The following SPANXN4 variants were observed in gnomAD, a reference collection of about 807,000 sequenced individuals.
SPANXN4 encodes SPANX family member N4.
A neutral mutation model predicts 6.0 loss-of-function variants in SPANXN4; 5 were observed. The observed-to-expected ratio is 0.83, with a 90% CI of 0.44 to 1.75. The LOEUF (loss-of-function observed/expected upper bound fraction) is 1.75, where lower values mean the gene tolerates loss of function less well. Ranked by LOEUF, SPANXN4 falls within the 40% of genes most tolerant of loss-of-function variation. The pLI, the probability that SPANXN4 is intolerant of heterozygous loss-of-function variation, is 0.02. For missense variants in SPANXN4, 157 were observed against 108.6 expected, an observed-to-expected ratio of 1.45 and a Z score of -1.98; for synonymous variants, 45 against 38.0, an observed-to-expected ratio of 1.19 and a Z score of -0.68.
At chrX:143,034,746 T>G, downstream of SPANXN4, 1 of 1,079,154 alleles carries the variant, frequency 9.3e-7, no homozygotes, top group Non-Finnish European at 1.2e-6. Context: ...TAAGACAGCA[T>G]GCCACACACA....
chrX:143,034,324 C>T lies in SPANXN4; in HGVS notation c.283+92C>T. 1 of 1,043,677 alleles carries T rather than the reference C, an allele frequency of 9.6e-7. No homozygotes were observed. Among genetic ancestry groups the T allele is most frequent in the Non-Finnish European group, 1.3e-6 (1 of 785,171 alleles). 86.0% of individuals were successfully genotyped at this position (1,043,677 alleles called of 1,213,427 possible). A position where few individuals can be genotyped will look rare whatever the true frequency, so the allele number is the denominator to read the frequency against. On this transcript the variant is annotated intron_variant, in intron 2 of 2. Coordinates refer to ENST00000370504, the Ensembl canonical transcript of SPANXN4. ...TTTGAGGAGCTGATGACTGTGTATACCTCTGCCTTTTTTTCTGATGGTGGG... is the reference window on the plus strand; with the variant it reads ...TTTGAGGAGCTGATGACTGTGTATATCTCTGCCTTTTTTTCTGATGGTGGG...
intron 1 of SPANXN4, 35 bp from the exon 2 acceptor site, chrX:143,033,990 A>G: frequency 8.9e-7 from 1 of 1,121,170 alleles, no homozygotes; most frequent in Non-Finnish European, 1.2e-6. Context: ...CATCCAAAAT[A>G]ACACCATTCT....
chrX:143,036,411 T>C (rs773257290), downstream of SPANXN4, among the ~76,000 whole-genome samples: 1 of 111,604 alleles, frequency 9.0e-6, no homozygotes, highest in Non-Finnish European at 1.9e-5. Flanking sequence ...CACCAATCAT[T>C]GGTGAATATT....
chrX:143,029,935 G>A (rs182351206), intron 1 of SPANXN4, among the ~76,000 whole-genome samples: 34 of 111,639 alleles, frequency 3.0e-4, no homozygotes, highest in African/African-American at 8.8e-4. Context: ...CTGGGGCGTC[G>A]CCGTATATTT....
upstream of SPANXN4, chrX:143,025,928 G>C (rs1932775711): frequency 1.1e-6 from 1 of 945,421 alleles, no homozygotes; most frequent in African/African-American, 2.0e-5. Flanking sequence ...AAAGCTCTGG[G>C]ACAGCCCACT....
At chrX:143,029,493 G>C (rs1602656669) in intron 1 of SPANXN4, among the ~76,000 whole-genome samples, 1 of 111,330 alleles carries the variant, frequency 9.0e-6, no homozygotes, top group East Asian at 2.8e-4. Context: ...ACAGCTGCTG[G>C]ACATGGCTCC....
downstream of SPANXN4, among the ~76,000 whole-genome samples, chrX:143,038,518 T>C (rs1378543910): frequency 8.9e-6 from 1 of 111,843 alleles, no homozygotes; most frequent in Non-Finnish European, 1.9e-5. Context: ...CTTCCTGGCA[T>C]TATTGTTTTC....
At chrX:143,037,246 A>G (rs1474870332), downstream of SPANXN4, among the ~76,000 whole-genome samples, 1 of 111,407 alleles carries the variant, frequency 9.0e-6, no homozygotes, top group Admixed American at 9.6e-5. Context: ...AGAAAGTGTC[A>G]GAATCCAAGA....
At chrX:143,034,539 G>T (rs1932833422) in exon 3 of SPANXN4, 2 of 1,155,000 alleles carry the variant, frequency 1.7e-6, no homozygotes, top group Non-Finnish European at 2.3e-6. Flanking sequence ...GTGTTCCTTG[G>T]AGCACGTGCA....
chrX:143,036,488 A>T (rs1281434322), downstream of SPANXN4, among the ~76,000 whole-genome samples: 1 of 112,013 alleles, frequency 8.9e-6, no homozygotes, highest in African/African-American at 3.2e-5. Flanking sequence ...ATTTATTTGC[A>T]TGTGGATGTC....
chrX:143,027,782 A>G (rs1462958998), intron 1 of SPANXN4, among the ~76,000 whole-genome samples: 1 of 109,197 alleles, frequency 9.2e-6, no homozygotes, highest in East Asian at 2.9e-4. Flanking sequence ...AGGCTGATGA[A>G]GGGGGCTCAA....
At chrX:143,037,065 C>G (rs183660211), downstream of SPANXN4, among the ~76,000 whole-genome samples, 1 of 111,741 alleles carries the variant, frequency 8.9e-6, no homozygotes, top group East Asian at 2.8e-4. Context: ...ACCGAATAAA[C>G]ATTCCAAAAT....
chrX:143,031,175 A>T (rs1019039344), intron 1 of SPANXN4, among the ~76,000 whole-genome samples: 1 of 110,785 alleles, frequency 9.0e-6, no homozygotes, highest in Non-Finnish European at 1.9e-5. Context: ...CTGAGGGATA[A>T]CCAGGAAGGA....
chrX:143,029,802 G>A (rs1413417720), intron 1 of SPANXN4, among the ~76,000 whole-genome samples: 1 of 111,311 alleles, frequency 9.0e-6, no homozygotes, highest in African/African-American at 3.3e-5. Context: ...CTAGTAATGT[G>A]TTGGTAAAGA....
At chrX:143,035,024 C>A (rs1478190937), downstream of SPANXN4, among the ~76,000 whole-genome samples, 2 of 97,756 alleles carry the variant, frequency 2.0e-5, no homozygotes, top group African/African-American at 7.6e-5. Flanking sequence ...TGCAGTGAAC[C>A]GAGATGGCAC....
exon 1 of SPANXN4, chrX:143,025,985 A>T: frequency 1.7e-6 from 2 of 1,184,994 alleles, no homozygotes; most frequent in Non-Finnish European, 2.3e-6. Context: ...AGAAGATCCT[A>T]GTACAGAAAT....
In SPANXN4 at chrX:143,034,324, C is replaced by CCT; in HGVS notation, c.283+95_283+96dup. 1.9e-6 allele frequency: 2 copies of CCT among 1,043,677 alleles called. No individual in the cohort carries two copies. 86.0% of individuals were successfully genotyped at this position (1,043,677 alleles called of 1,213,427 possible). On this transcript the variant is annotated intron_variant, in intron 2 of 2. Transcript: ENST00000370504. Reference sequence around the variant, plus strand: ...TTTGAGGAGCTGATGACTGTGTATACCTCTGCCTTTTTTTCTGATGGTGGG... The same window carrying CCT: ...TTTGAGGAGCTGATGACTGTGTATACCTCTCTGCCTTTTTTTCTGATGGTGGG...
intron 1 of SPANXN4, among the ~76,000 whole-genome samples, chrX:143,030,301 G>A (rs187976132): frequency 1.8e-5 from 2 of 111,384 alleles, no homozygotes; most frequent in African/African-American, 6.5e-5. Context: ...AGAAACGCAA[G>A]GTAAGTAACC....
At chrX:143,032,355 G>C (rs377668817) in intron 1 of SPANXN4, among the ~76,000 whole-genome samples, 4 of 110,833 alleles carry the variant, frequency 3.6e-5, no homozygotes, top group African/African-American at 1.3e-4. Context: ...TCAGCACTAG[G>C]GGGGTGGGTG....
Sources: allele counts gnomAD v4.1 joint callset (sites outside exome capture counted in the v4.1 genomes callset), GRCh38; gene constraint gnomAD v4.1.1; transcripts MANE v1.5; gene names NCBI Gene and HGNC (gene_info 2026-07-23, HGNC 2026-07-21).